Variants in CARMIL1 observed in about 807,000 individuals in gnomAD.
CARMIL1 encodes the protein capping protein regulator and myosin 1 linker 1.
In CARMIL1, 90 loss-of-function variants were observed where a neutral mutation model predicts 177.1. The observed-to-expected ratio is 0.51, with a 90% CI of 0.43 to 0.61. The LOEUF is 0.61. CARMIL1 is among the 20% of genes least tolerant of loss of function. The pLI, the probability that CARMIL1 is intolerant of heterozygous loss-of-function variation, is 0.00. For missense variants in CARMIL1, 1,380 were observed against 1,667.0 expected (o/e 0.83, Z 3.00); for synonymous variants, 577 against 606.2 (o/e 0.95, Z 0.71).
chr6:25,489,573 A>T (rs1802989847), intron 13 of CARMIL1, among the ~76,000 whole-genome samples: 4 of 152,206 alleles, frequency 2.6e-5, no homozygotes. Context: ...TGTTTCTTTA[A>T]CAACATGGCC....
At chr6:25,467,166 G>T (rs1330162309) in intron 9 of CARMIL1, among the ~76,000 whole-genome samples, 1 of 152,220 alleles carries the variant, frequency 6.6e-6, no homozygotes, top group Non-Finnish European at 1.5e-5. Flanking sequence ...AACAAGAGTT[G>T]TGTCTGAGAA....
chr6:25,448,376 A>C (rs527671291), intron 5 of CARMIL1, among the ~76,000 whole-genome samples: 1 of 152,188 alleles, frequency 6.6e-6, no homozygotes, highest in East Asian at 1.9e-4. Context: ...TTTGCCAACT[A>C]TTTTGAACTA....
At chr6:25,414,714 C>T (rs1385185786) in intron 2 of CARMIL1, among the ~76,000 whole-genome samples, 1 of 152,122 alleles carries the variant, frequency 6.6e-6, no homozygotes, top group Non-Finnish European at 1.5e-5. Flanking sequence ...CTGTTGTACC[C>T]ACAAGTGGGT....
At chr6:25,339,055 C>T (rs1786608604) in intron 2 of CARMIL1, among the ~76,000 whole-genome samples, 1 of 151,730 alleles carries the variant, frequency 6.6e-6, no homozygotes, top group African/African-American at 2.4e-5. Flanking sequence ...AGTTTGTTCC[C>T]ATTTTTGTCC....
In CARMIL1 at chr6:25,352,826, A is replaced by C. The variant is rs1488857896; in HGVS notation, c.139-67288A>C. The stretch of plus-strand genomic sequence containing the variant: ...CCCATGGACAGTCTTGTTATATCCA[A>C]ATCAGTCAGATAGTATATGTAAGAA... On this transcript the variant is annotated intron_variant, in intron 2 of 36. Transcript: ENST00000329474. Among the ~76,000 whole-genome samples the C allele has an allele frequency of 5.9e-5, 9 of 152,324 alleles. No individual in the cohort carries two copies. In the South Asian group the frequency reaches 1.7e-3, roughly 28 times the overall value.
chr6:25,571,186 T>C (rs1167143814), intron 29 of CARMIL1, among the ~76,000 whole-genome samples: 1 of 152,160 alleles, frequency 6.6e-6, no homozygotes, highest in Non-Finnish European at 1.5e-5. Flanking sequence ...GGATATTTTA[T>C]ATCAAAAAGC....
At chr6:25,308,501 C>A (rs1330312092) in intron 2 of CARMIL1, among the ~76,000 whole-genome samples, 2 of 151,736 alleles carry the variant, frequency 1.3e-5, no homozygotes, top group East Asian at 3.9e-4. Flanking sequence ...CCTGCCTCAG[C>A]CTCCCGAGTA....
At chr6:25,403,019 A>C (rs1269808127) in intron 2 of CARMIL1, among the ~76,000 whole-genome samples, 1 of 152,088 alleles carries the variant, frequency 6.6e-6, no homozygotes, top group Non-Finnish European at 1.5e-5. Flanking sequence ...AATCTTCAGA[A>C]TAACACTTGG....
chr6:25,452,002 C>CT (rs753709186), intron 8 of CARMIL1: 2 of 258,928 alleles, frequency 7.7e-6, no homozygotes, highest in Admixed American at 3.9e-5. Context: ...CCCTCCCCCC[C>CT]CCAGAATACT....
At chr6:25,520,141 G>T in intron 22 of CARMIL1, 103 bp from the exon 23 acceptor site, 1 of 584,986 alleles carries the variant, frequency 1.7e-6, no homozygotes, top group Non-Finnish European at 3.0e-6. Context: ...AATTTTCTAA[G>T]CTACTCTTGC....
chr6:25,376,756 C>A (rs1791027707), intron 2 of CARMIL1, among the ~76,000 whole-genome samples: 1 of 152,048 alleles, frequency 6.6e-6, no homozygotes, highest in African/African-American at 2.4e-5. Context: ...AGGCTTCAGG[C>A]CAGTAGGAGA....
intron 23 of CARMIL1, chr6:25,527,684 G>T (rs542027253): frequency 2.2e-6 from 1 of 446,972 alleles, no homozygotes; most frequent in Non-Finnish European, 4.4e-6. Flanking sequence ...TTCATTTCAG[G>T]TATCTTTTCG....
intron 11 of CARMIL1, among the ~76,000 whole-genome samples, chr6:25,477,281 ATC>A (rs1014700577): frequency 6.6e-6 from 1 of 152,014 alleles, no homozygotes; most frequent in African/African-American, 2.4e-5. Context: ...GATGCAGCAA[ATC>A]TCTGTTATTT....
At chr6:25,520,198 T>C in intron 22 of CARMIL1, 46 bp from the exon 23 acceptor site, 2 of 902,174 alleles carry the variant, frequency 2.2e-6, no homozygotes, top group Non-Finnish European at 3.4e-6. Flanking sequence ...ATTAAGGTAA[T>C]AGGAAGTTAT....
rs1803131190 is a variant in CARMIL1 at position 25,490,737 on chromosome 6, AT to A, written c.1066-994del. Among the ~76,000 whole-genome samples the A allele has an allele frequency of 1.2e-4, 17 of 136,096 alleles. No homozygotes were observed. The South Asian group carries it at 2.8e-3, about 23-fold the overall frequency. The allele number at this position is 136,096 out of a possible 152,430, so 89.3% of individuals were successfully genotyped here. A position where few individuals can be genotyped will look rare whatever the true frequency, so the allele number is the denominator to read the frequency against. ...AATAAATAAATAAATAAATAAATAA[AT>A]AAATAAATAAATAAAAAAAAATAAA... is the stretch of plus-strand genomic sequence containing the variant. On this transcript the variant is annotated intron_variant, in intron 13 of 36. Coordinates refer to ENST00000329474, the MANE Select transcript of CARMIL1 (RefSeq NM_017640.6).
chr6:25,551,028 C>T lies in CARMIL1; in HGVS notation c.2447C>T (p.Thr816Ile). The change falls in exon 27 of 37, where the codon ACC becomes ATC. Residue 816 changes from threonine (T) to isoleucine (I), a missense_variant. Thr to Ile is a moderately conservative substitution (Grantham distance 89). Transcript: ENST00000329474. ...ACCGAAAAGATTTCTATTCCACGTA[C>T]CTTTGTTAAAAATGTCCTGTTGGAG... Reference protein sequence around the residue: ...ASTEKISIPRTFVKNVLLEQS... With the variant: ...ASTEKISIPRIFVKNVLLEQS... 2 of 1,613,422 alleles carry T rather than the reference C, an allele frequency of 1.2e-6. No individual in the cohort carries two copies. The highest frequency in any genetic ancestry group is 1.1e-5 in the South Asian group (1 of 91,060).
At chr6:25,394,725 G>C (rs952323608) in intron 2 of CARMIL1, among the ~76,000 whole-genome samples, 3 of 152,122 alleles carry the variant, frequency 2.0e-5, no homozygotes, top group Admixed American at 2.0e-4. Context: ...TAGAAATCAA[G>C]GGTTTCAGTA....
rs565610353 is a variant in CARMIL1 at position 25,387,514 on chromosome 6, G to T, written c.139-32600G>T. ...AATTCTACCCTTCTTTAAGTTAAAAGATTTATAACCTTTTCAATAGCAGTA... is the reference window on the plus strand; with the variant it reads ...AATTCTACCCTTCTTTAAGTTAAAATATTTATAACCTTTTCAATAGCAGTA... On this transcript the variant is annotated intron_variant, in intron 2 of 36. Coordinates refer to ENST00000329474, the MANE Select transcript of CARMIL1 (RefSeq NM_017640.6). 5.3e-5 allele frequency among the ~76,000 whole-genome samples: 8 copies of T among 152,298 alleles called. No homozygotes were observed. The South Asian group carries it at 6.2e-4, about 12-fold the overall frequency.
Position 25,600,391 on chromosome 6 carries a change from A to G in CARMIL1, c.3197A>G (p.Lys1066Arg), listed in dbSNP as rs1562327606. The change falls in exon 33 of 37, where the codon AAA becomes AGA. Residue 1066 changes from lysine (K) to arginine (R), a missense_variant. Transcript: ENST00000329474. Reference sequence around the variant, plus strand: ...GAAAAGAAAAAGCGAGATTCTCGGAAAAGTAGTGGCTTTCTCAATTTAATC... The same window carrying G: ...GAAAAGAAAAAGCGAGATTCTCGGAGAAGTAGTGGCTTTCTCAATTTAATC... ...GDEKKKRDSR[K>R]SSGFLNLIKS... is the part of the protein sequence containing the mutation. 6.2e-7 allele frequency: 1 copy of G among 1,614,018 alleles called. No individual in the cohort carries two copies. Among genetic ancestry groups the G allele is most frequent in the African/African-American group, 1.3e-5 (1 of 75,062 alleles).
Sources: allele counts gnomAD v4.1 joint callset (sites outside exome capture counted in the v4.1 genomes callset), GRCh38; gene constraint gnomAD v4.1.1; transcripts MANE v1.5; gene names NCBI Gene and HGNC (gene_info 2026-07-23, HGNC 2026-07-21).